The following GTF2B variants were observed in gnomAD, a reference collection of about 807,000 sequenced individuals.
GTF2B encodes transcription initiation factor IIB.
In GTF2B, 20 loss-of-function variants were observed where a neutral mutation model predicts 34.6. The ratio of observed to expected loss-of-function variants is 0.58; its 90% CI spans 0.41 to 0.84. The LOEUF is 0.84. Among genes scored for constraint, GTF2B ranks in the 40% least tolerant of loss-of-function variants. The pLI is 0.00. For synonymous variants in GTF2B, 142 were observed against 132.4 expected (o/e 1.07, Z -0.50); for missense variants, 237 against 393.3 (o/e 0.60, Z 3.36).
chr1:88,871,430 T>C (rs1170052130), intron 2 of GTF2B, among the ~76,000 whole-genome samples: 2 of 152,196 alleles, frequency 1.3e-5, no homozygotes, highest in African/African-American at 4.8e-5. Flanking sequence ...CTTTATCACC[T>C]GAGATATTGC....
Position 88,866,705 on chromosome 1 carries a change from A to G in GTF2B, c.125-2591T>C, listed in dbSNP as rs115822407. Among the ~76,000 whole-genome samples, 865 of 152,280 alleles carry G rather than the reference A, an allele frequency of 5.7e-3. 11 individuals are homozygous for G. The highest frequency in any genetic ancestry group is 0.02 in the African/African-American group (828 of 41,572). ...TTACAGGGGTGGGCCACCATGCACA[A>G]CAGAAAAACTTTTCTTTAAACAACT... On this transcript the variant is annotated intron_variant, in intron 2 of 6. Coordinates refer to ENST00000370500, the MANE Select transcript of GTF2B (RefSeq NM_001514.6).
At chr1:88,879,388 A>C (rs1673883296) in intron 2 of GTF2B, among the ~76,000 whole-genome samples, 1 of 151,762 alleles carries the variant, frequency 6.6e-6, no homozygotes, top group South Asian at 2.1e-4. Context: ...ATACCAGCCC[A>C]GCCGACATGG....
At chr1:88,857,691 C>CTTTTTTTTTTTTTTTTTTTTTTTTGTTT (rs368010048) in intron 5 of GTF2B, among the ~76,000 whole-genome samples, 1 of 108,152 alleles carries the variant, frequency 9.2e-6, no homozygotes, top group Non-Finnish European at 1.8e-5. Context: ...TTCATCACAC[C>CTTTTTTTTTTTTTTTTTTTTTTTTGTTT]TTTTTTTTTG....
chr1:88,889,730 A>G (rs1218691491), intron 1 of GTF2B, among the ~76,000 whole-genome samples: 1 of 152,186 alleles, frequency 6.6e-6, no homozygotes, highest in Non-Finnish European at 1.5e-5. Flanking sequence ...TAGAAATATT[A>G]TATTTAGGCT....
chr1:88,859,836 A>G (rs1387857002), intron 5 of GTF2B, 46 bp downstream of exon 5: 1 of 1,538,944 alleles, frequency 6.5e-7, no homozygotes, highest in South Asian at 1.1e-5. Flanking sequence ...ACCCTATCTC[A>G]AACAAACAAA....
intron 1 of GTF2B, chr1:88,887,790 T>TTAAC: frequency 4.7e-6 from 1 of 213,388 alleles, no homozygotes; most frequent in Non-Finnish European, 9.4e-6. Flanking sequence ...TTTCTACTTG[T>TTAAC]TAACTACTTT....
At chr1:88,863,421 G>A (rs1673487808) in intron 3 of GTF2B, among the ~76,000 whole-genome samples, 1 of 152,076 alleles carries the variant, frequency 6.6e-6, no homozygotes, top group Non-Finnish European at 1.5e-5. Context: ...TTGGCTCACT[G>A]CAACCTCCGC....
chr1:88,855,955 G>A (rs2100960426), intron 6 of GTF2B, among the ~76,000 whole-genome samples: 1 of 152,206 alleles, frequency 6.6e-6, no homozygotes, highest in East Asian at 1.9e-4. Context: ...TTAGAAAGGA[G>A]TAGTCACTTC....
chr1:88,888,630 C>T (rs1001741846), intron 1 of GTF2B, among the ~76,000 whole-genome samples: 13 of 152,020 alleles, frequency 8.6e-5, no homozygotes, highest in African/African-American at 2.4e-4. Context: ...AATATCTCTG[C>T]AGTATTAAAA....
intron 3 of GTF2B, among the ~76,000 whole-genome samples, chr1:88,863,174 A>C (rs773687349): frequency 2.0e-5 from 3 of 152,186 alleles, no homozygotes; most frequent in Non-Finnish European, 2.9e-5. Flanking sequence ...TGTTATATAA[A>C]TACTTTACAT....
Position 88,853,044 on chromosome 1 carries a change from T to C in GTF2B, c.*169A>G. 1.8e-6 allele frequency: 1 copy of C among 564,492 alleles called. No individual in the cohort carries two copies. Among genetic ancestry groups the C allele is most frequent in the Non-Finnish European group, 3.2e-6 (1 of 317,062 alleles). 35.0% of individuals were successfully genotyped at this position (564,492 alleles called of 1,614,324 possible). A position where few individuals can be genotyped will look rare whatever the true frequency, so the allele number is the denominator to read the frequency against. ...TTGATAAGAAATTTAAATCATTAAA[T>C]ATGTTTCACTAGTATATACATACAG... On this transcript the variant is annotated 3_prime_UTR_variant, in exon 7 of 7. Coordinates refer to ENST00000370500, the MANE Select transcript of GTF2B (RefSeq NM_001514.6).
chr1:88,871,055 C>T (rs1051046738), intron 2 of GTF2B, among the ~76,000 whole-genome samples: 2 of 152,068 alleles, frequency 1.3e-5, no homozygotes, highest in African/African-American at 4.8e-5. Context: ...GCGTGTGCCA[C>T]CACGCCTGGC....
intron 2 of GTF2B, among the ~76,000 whole-genome samples, chr1:88,872,577 TG>T (rs1452405858): frequency 6.6e-6 from 1 of 152,094 alleles, no homozygotes; most frequent in Non-Finnish European, 1.5e-5. Context: ...GCACAATTCT[TG>T]ATTTGTAGCC....
intron 2 of GTF2B, among the ~76,000 whole-genome samples, chr1:88,865,488 G>A (rs1416296583): frequency 6.6e-6 from 1 of 151,840 alleles, no homozygotes; most frequent in African/African-American, 2.4e-5. Context: ...TTGGGAGGCC[G>A]AGGCAGGCGG....
Position 88,853,001 on chromosome 1 carries a change from G to C in GTF2B, c.*212C>G, listed in dbSNP as rs1363656372. ...ATATCTTCCAAAATACAGTTTCCTA[G>C]ATTGCTACAAAAGAAATTTGATAAG... On this transcript the variant is annotated 3_prime_UTR_variant, in exon 7 of 7. Transcript: ENST00000370500. 3 of 482,298 alleles carry C rather than the reference G, an allele frequency of 6.2e-6. No individual in the cohort carries two copies. The highest frequency in any genetic ancestry group is 1.1e-5 in the Non-Finnish European group (3 of 273,246). The allele number at this position is 482,298 out of a possible 1,614,324, so 29.9% of individuals were successfully genotyped here. A position where few individuals can be genotyped will look rare whatever the true frequency, so the allele number is the denominator to read the frequency against.
chr1:88,861,143 A>G (rs1673432388), intron 3 of GTF2B, among the ~76,000 whole-genome samples: 1 of 152,274 alleles, frequency 6.6e-6, no homozygotes, highest in Non-Finnish European at 1.5e-5. Flanking sequence ...AGACAAGGAA[A>G]GCAAATTTTT....
At chr1:88,883,725 T>C (rs1359430692) in intron 2 of GTF2B, among the ~76,000 whole-genome samples, 1 of 152,154 alleles carries the variant, frequency 6.6e-6, no homozygotes, top group Non-Finnish European at 1.5e-5. Flanking sequence ...AGTTCATTGT[T>C]CACAATTACT....
At chr1:88,865,385 C>T (rs1424422762) in intron 2 of GTF2B, among the ~76,000 whole-genome samples, 1 of 152,194 alleles carries the variant, frequency 6.6e-6, no homozygotes, top group East Asian at 1.9e-4. Flanking sequence ...TTCTGAGTTT[C>T]TCCTTTTTTG....
intron 5 of GTF2B, chr1:88,858,743 G>A (rs952924381): frequency 6.6e-6 from 1 of 152,094 alleles, no homozygotes; most frequent in Admixed American, 6.5e-5. Context: ...GGAAGTCAGT[G>A]AGCAACACTG....
Sources: gnomAD v4.1 joint callset for allele counts (sites outside exome capture counted in the v4.1 genomes callset) on GRCh38, gnomAD v4.1.1 for gene constraint, MANE v1.5 for transcripts, NCBI Gene and HGNC (gene_info 2026-07-23, HGNC 2026-07-21) for gene names.